The following CHI3L2 variants were observed in gnomAD, a reference collection of about 807,000 sequenced individuals.
CHI3L2 encodes the protein chitinase-3-like protein 2.
A neutral mutation model predicts 47.3 loss-of-function variants in CHI3L2; 47 were observed. The ratio of observed to expected loss-of-function variants is 0.99; its 90% CI spans 0.79 to 1.27. The LOEUF is 1.27. CHI3L2 is among the 50% of genes most tolerant of loss of function. CHI3L2 has a pLI of 0.00. For synonymous variants in CHI3L2, 198 were observed against 169.9 expected (o/e 1.17, Z -1.28); for missense variants, 497 against 462.1 (o/e 1.08, Z -0.69).
At chr1:111,237,496 G>A in intron 7 of CHI3L2, among the ~76,000 whole-genome samples, 1 of 152,142 alleles carries the variant, frequency 6.6e-6, no homozygotes, top group East Asian at 1.9e-4. Context: ...CATATTCAAA[G>A]TCACAAAATG....
At chr1:111,240,751 T>C (rs372969688) in intron 8 of CHI3L2, among the ~76,000 whole-genome samples, 18 of 152,214 alleles carry the variant, frequency 1.2e-4, no homozygotes, top group African/African-American at 3.6e-4. Flanking sequence ...CTCTTCCTTA[T>C]GCTAACAGAA....
rs181136716 is a variant in CHI3L2, at chr1:111,243,354, T to G, written c.*140T>G. The G allele has an allele frequency of 1.2e-5, 5 of 415,304 alleles. No homozygotes were observed. The East Asian group carries it at 3.6e-4, about 30-fold the overall frequency. The allele number at this position is 415,304 out of a possible 1,614,324, so 25.7% of individuals were successfully genotyped here. ...AAGCCTTTCCTGACTTCCTCTTAGA[T>G]CATAGATTGGACCTGGTTTTGTTTT... is the stretch of plus-strand genomic sequence containing the variant. On this transcript the variant is annotated 3_prime_UTR_variant, in exon 11 of 11. Coordinates refer to ENST00000369748, the MANE Select transcript of CHI3L2 (RefSeq NM_004000.3).
chr1:111,238,108 T>G (rs533708192), intron 7 of CHI3L2, among the ~76,000 whole-genome samples: 14 of 152,342 alleles, frequency 9.2e-5, no homozygotes, highest in Admixed American at 3.3e-4. Context: ...AGCTTCTAGT[T>G]GTCCTGCGTT....
At chr1:111,229,308 A>T (rs1659620795) in intron 1 of CHI3L2, among the ~76,000 whole-genome samples, 1 of 152,220 alleles carries the variant, frequency 6.6e-6, no homozygotes, top group East Asian at 1.9e-4. Flanking sequence ...ATGAAAAAAT[A>T]AATTCCCAGC....
rs756097721 is a variant in CHI3L2 at position 111,234,967 on chromosome 1, G to C, written c.390G>C (p.Leu130=). The change falls in exon 5 of 11, where the codon CTG becomes CTC. Residue 130 remains leucine, a synonymous_variant. Transcript: ENST00000369748. ...SRLEFINSII[L]FLRNHNFDGL... Reference sequence around the variant, plus strand: ...TGGAATTCATTAACTCCATAATCCTGTTTCTGAGGAACCATAACTTTGATG... The same window carrying C: ...TGGAATTCATTAACTCCATAATCCTCTTTCTGAGGAACCATAACTTTGATG... 1 of 1,614,144 alleles carries C rather than the reference G, an allele frequency of 6.2e-7. No individual in the cohort carries two copies. The highest frequency in any genetic ancestry group is 1.1e-5 in the South Asian group (1 of 91,086).
chr1:111,238,910 C>G lies in CHI3L2; in HGVS notation c.896C>G (p.Ser299Ter), dbSNP rs1380007598. The G allele has an allele frequency of 9.3e-6, 15 of 1,605,640 alleles. No individual in the cohort carries two copies. Among genetic ancestry groups the G allele is most frequent in the Non-Finnish European group, 1.3e-5 (15 of 1,176,840 alleles). The change falls in exon 8 of 11, where the codon TCA becomes TGA. Residue 299 changes from serine (S) to a stop codon, truncating the protein, a stop_gained. Transcript: ENST00000369748. LOFTEE classifies it high-confidence loss of function. ...GCTGCTGGACCCATCACAGAGTCTTCAGGCTTCCTGGCCTATTATGAGGTA... is the reference window on the plus strand; with the variant it reads ...GCTGCTGGACCCATCACAGAGTCTTGAGGCTTCCTGGCCTATTATGAGGTA... ...PGAAGPITES[S>*]GFLAYYEICQ...
chr1:111,238,657 AG>A, intron 7 of CHI3L2, 92 bp from the exon 8 acceptor site: 1 of 1,318,510 alleles, frequency 7.6e-7, no homozygotes, highest in Non-Finnish European at 1.1e-6. Flanking sequence ...GAAACCAGGC[AG>A]TCACCTCTGT....
At chr1:111,233,258 C>T (rs965693851) in intron 4 of CHI3L2, among the ~76,000 whole-genome samples, 2 of 152,120 alleles carry the variant, frequency 1.3e-5, no homozygotes, top group African/African-American at 4.8e-5. Flanking sequence ...TCTGCGTTGC[C>T]TATTTGTGGC....
intron 2 of CHI3L2, among the ~76,000 whole-genome samples, chr1:111,230,128 A>G (rs925298298): frequency 3.3e-5 from 5 of 152,120 alleles, no homozygotes; most frequent in Non-Finnish European, 5.9e-5. Flanking sequence ...TGTGAATACA[A>G]ACATACACAA....
chr1:111,238,720 T>TC (rs768926025), intron 7 of CHI3L2, 30 bp from the exon 8 acceptor site: 46 of 1,610,848 alleles, frequency 2.9e-5, no homozygotes, highest in Admixed American at 5.0e-5. Flanking sequence ...TTCCCCACAC[T>TC]CTGAGCCTCC....
chr1:111,229,957 T>A, intron 2 of CHI3L2, 76 bp downstream of exon 2: 1 of 1,523,098 alleles, frequency 6.6e-7, no homozygotes. Flanking sequence ...AGTTTCTTTT[T>A]CTGCTACATG....
chr1:111,242,148 C>T lies in CHI3L2; in HGVS notation c.1036-79C>T, dbSNP rs987929616. ...TACTGCTGTATTTTAAGCTTAGTCC[C>T]TCATCTGAACCTGATATGGTCCTGG... On this transcript the variant is annotated intron_variant, in intron 9 of 10. Transcript: ENST00000369748. 1.0e-4 allele frequency: 161 copies of T among 1,580,144 alleles called. No homozygotes were observed. In the African/African-American group the frequency reaches 1.7e-3, roughly 17 times the overall value.
chr1:111,236,289 G>C, intron 7 of CHI3L2, 136 bp downstream of exon 7: 1 of 873,060 alleles, frequency 1.1e-6, no homozygotes, highest in Non-Finnish European at 1.7e-6. Flanking sequence ...AGCCCCAGGA[G>C]CAAGTGAGTG....
chr1:111,230,762 T>TGCTACTTTACCAACTGGTCC lies in CHI3L2; in HGVS notation c.92_111dup (p.Gln38AlafsTer49). 1 of 1,614,194 alleles carries TGCTACTTTACCAACTGGTCC rather than the reference T, an allele frequency of 6.2e-7. No individual in the cohort carries two copies. Among genetic ancestry groups the TGCTACTTTACCAACTGGTCC allele is most frequent in the South Asian group, 1.1e-5 (1 of 91,078 alleles). ...TCCAGGATCTGCCTACAAACTGGTT[T>TGCTACTTTACCAACTGGTCC]GCTACTTTACCAACTGGTCCCAGGA... On this transcript the variant is annotated frameshift_variant, in exon 3 of 11. Transcript: ENST00000369748. LOFTEE classifies it high-confidence loss of function.
intron 10 of CHI3L2, 82 bp downstream of exon 10, chr1:111,242,448 A>G: frequency 7.1e-7 from 1 of 1,417,252 alleles, no homozygotes; most frequent in Non-Finnish European, 9.5e-7. Flanking sequence ...TCATCTTCAC[A>G]TATTTGGACT....
chr1:111,240,413 C>G (rs2101556963), intron 8 of CHI3L2, among the ~76,000 whole-genome samples: 1 of 152,250 alleles, frequency 6.6e-6, no homozygotes, highest in South Asian at 2.1e-4. Context: ...CTGACCCATC[C>G]TTGGGTAGTT....
chr1:111,229,466 A>G (rs1659628266), intron 1 of CHI3L2, among the ~76,000 whole-genome samples: 1 of 151,562 alleles, frequency 6.6e-6, no homozygotes, highest in Admixed American at 6.6e-5. Context: ...GCGGATCACG[A>G]GGTCAGGAGA....
chr1:111,239,565 A>T (rs1366716627), intron 8 of CHI3L2, among the ~76,000 whole-genome samples: 1 of 152,210 alleles, frequency 6.6e-6, no homozygotes, highest in Non-Finnish European at 1.5e-5. Context: ...CTGACAAGGA[A>T]CTACAAGAGG....
In CHI3L2 at chr1:111,231,220, CTTA is replaced by C. The variant is rs767031836; in HGVS notation, c.273-15_273-13del. On this transcript the variant is annotated splice_polypyrimidine_tract_variant and intron_variant, in intron 3 of 10. Coordinates refer to ENST00000369748, the MANE Select transcript of CHI3L2 (RefSeq NM_004000.3). ...TGGCAGCCAGAAAATAAATAATCAT[CTTA>C]TTCTTCTACTTCAGGAATCCCAAAC... 2 of 1,594,730 alleles carry C rather than the reference CTTA, an allele frequency of 1.3e-6. No individual in the cohort carries two copies. Among genetic ancestry groups the C allele is most frequent in the Admixed American group, 3.3e-5 (2 of 59,768 alleles).
Sources: gnomAD v4.1 joint callset for allele counts (sites outside exome capture counted in the v4.1 genomes callset) on GRCh38, gnomAD v4.1.1 for gene constraint, MANE v1.5 for transcripts, NCBI Gene and HGNC (gene_info 2026-07-23, HGNC 2026-07-21) for gene names.